The following SGCZ variants were observed in gnomAD, a reference collection of about 807,000 sequenced individuals.
SGCZ encodes zeta-sarcoglycan.
In SGCZ, 40 loss-of-function variants were observed where a neutral mutation model predicts 41.3. That is an observed-to-expected ratio of 0.97 (90% CI 0.75 to 1.26). SGCZ has a LOEUF of 1.26. Among genes scored for constraint, SGCZ ranks in the 50% most tolerant of loss-of-function variants. The pLI, the probability that SGCZ is intolerant of heterozygous loss-of-function variation, is 0.00. For synonymous variants in SGCZ, 206 were observed against 137.5 expected, an observed-to-expected ratio of 1.50 and a Z score of -3.49; for missense variants, 552 against 369.8, an observed-to-expected ratio of 1.49 and a Z score of -4.04.
intron 1 of SGCZ, among the ~76,000 whole-genome samples, chr8:14,831,921 A>G (rs2130603054): frequency 6.6e-6 from 1 of 151,742 alleles, no homozygotes; most frequent in South Asian, 2.1e-4. Flanking sequence ...CACAAACAGT[A>G]CATACACCTA....
At chr8:14,370,150 A>C (rs975193375) in intron 2 of SGCZ, among the ~76,000 whole-genome samples, 1 of 151,978 alleles carries the variant, frequency 6.6e-6, no homozygotes, top group Non-Finnish European at 1.5e-5. Flanking sequence ...TTTGACACAA[A>C]GGAGAAGAAA....
intron 1 of SGCZ, among the ~76,000 whole-genome samples, chr8:14,585,583 T>C (rs1200238337): frequency 1.3e-5 from 2 of 152,146 alleles, no homozygotes; most frequent in African/African-American, 4.8e-5. Flanking sequence ...TATTTTAGTG[T>C]CTTTTAAAGT....
chr8:14,188,054 TA>T lies in SGCZ; in HGVS notation c.425-23353del, dbSNP rs780378945. ...ACAGCATATTCAAAGTGTTCAGATT[TA>T]AAAAAAAAGTCAACCAAGAGTTCTA... is the stretch of plus-strand genomic sequence containing the variant. On this transcript the variant is annotated intron_variant, in intron 4 of 7. Coordinates refer to ENST00000382080, the MANE Select transcript of SGCZ (RefSeq NM_139167.4). Among the ~76,000 whole-genome samples, 5 of 151,314 alleles carry T rather than the reference TA, an allele frequency of 3.3e-5. No homozygotes were observed. The South Asian group carries it at 6.3e-4, about 19-fold the overall frequency.
chr8:14,316,080 T>C (rs1474463566), intron 3 of SGCZ, among the ~76,000 whole-genome samples: 3 of 151,862 alleles, frequency 2.0e-5, no homozygotes, highest in Non-Finnish European at 2.9e-5. Flanking sequence ...TCTCCATGAC[T>C]AGGCAATTTC....
intron 2 of SGCZ, among the ~76,000 whole-genome samples, chr8:14,383,584 T>A (rs1290292572): frequency 6.6e-6 from 1 of 152,206 alleles, no homozygotes; most frequent in African/African-American, 2.4e-5. Context: ...GAATTAAATG[T>A]TAAGGTGCTC....
intron 1 of SGCZ, among the ~76,000 whole-genome samples, chr8:15,146,142 G>GA (rs78225419): frequency 2.6e-5 from 4 of 151,072 alleles, no homozygotes; most frequent in Non-Finnish European, 4.4e-5. Context: ...AGAAAACTAA[G>GA]AAAAAAATTG....
intron 1 of SGCZ, among the ~76,000 whole-genome samples, chr8:14,996,643 G>GCTGTGTATT (rs2130904070): frequency 6.6e-6 from 1 of 152,272 alleles, no homozygotes; most frequent in South Asian, 2.1e-4. Context: ...TAACCAAGAG[G>GCTGTGTATT]CTGTGTATTC....
At chr8:14,660,050 T>C (rs559629228) in intron 1 of SGCZ, among the ~76,000 whole-genome samples, 4 of 152,284 alleles carry the variant, frequency 2.6e-5, no homozygotes, top group Admixed American at 2.6e-4. Flanking sequence ...CAGCTTTTTC[T>C]TGCAGCCTTC....
intron 1 of SGCZ, among the ~76,000 whole-genome samples, chr8:14,798,019 G>A (rs892487519): frequency 3.9e-5 from 6 of 152,184 alleles, no homozygotes; most frequent in African/African-American, 1.2e-4. Context: ...CTGCAGGGGC[G>A]GGGCCCTCAT....
intron 3 of SGCZ, among the ~76,000 whole-genome samples, chr8:14,240,476 A>C (rs1421968029): frequency 6.6e-6 from 1 of 151,936 alleles, no homozygotes; most frequent in Non-Finnish European, 1.5e-5. Flanking sequence ...CCTTCTTTTC[A>C]TATAATTCTC....
chr8:14,606,328 C>T (rs1420225690), intron 1 of SGCZ, among the ~76,000 whole-genome samples: 3 of 146,746 alleles, frequency 2.0e-5, no homozygotes, highest in South Asian at 4.3e-4. Context: ...TTATTTGGTT[C>T]CTAAACCTCC....
At chr8:14,141,800 G>C (rs1337493689) in intron 5 of SGCZ, among the ~76,000 whole-genome samples, 1 of 152,158 alleles carries the variant, frequency 6.6e-6, no homozygotes, top group Non-Finnish European at 1.5e-5. Flanking sequence ...ATTTGACCCA[G>C]CCATCCCATT....
intron 1 of SGCZ, among the ~76,000 whole-genome samples, chr8:14,616,238 G>A (rs1273119160): frequency 6.7e-6 from 1 of 150,128 alleles, no homozygotes; most frequent in Non-Finnish European, 1.5e-5. Context: ...AGTGGAGATC[G>A]CATCACTGCA....
rs1358479725 is a variant in SGCZ, at chr8:14,775,460, A to ACT, written c.40-220535_40-220534insAG. On this transcript the variant is annotated intron_variant, in intron 1 of 7. Transcript: ENST00000382080. ...GACAGTATGCTGAGTAGAATATTTG[A>ACT]GTGTGTGTGTGTGTGTGTGTGTGTG... Among the ~76,000 whole-genome samples the ACT allele has an allele frequency of 2.6e-3, 389 of 149,314 alleles. 1 individual carries two copies. The highest frequency in any genetic ancestry group is 8.3e-3 in the African/African-American group (337 of 40,710).
chr8:14,669,382 T>A (rs1442089113), intron 1 of SGCZ, among the ~76,000 whole-genome samples: 1 of 34,418 alleles, frequency 2.9e-5, no homozygotes. Context: ...AGTAAGTAAG[T>A]AAGTAAATAA....
intron 1 of SGCZ, among the ~76,000 whole-genome samples, chr8:15,188,802 G>T (rs778678215): frequency 6.6e-6 from 1 of 152,010 alleles, no homozygotes; most frequent in Non-Finnish European, 1.5e-5. Flanking sequence ...TGTATCAGGA[G>T]ATGTTGATTT....
intron 1 of SGCZ, among the ~76,000 whole-genome samples, chr8:15,052,989 T>A (rs10087013): frequency 0.06 from 9,094 of 152,122 alleles, 509 homozygotes; most frequent in African/African-American, 0.15. Context: ...GTTCCTACAT[T>A]TCCAACAGCA....
chr8:14,378,792 C>A (rs566705614), intron 2 of SGCZ, among the ~76,000 whole-genome samples: 1 of 152,026 alleles, frequency 6.6e-6, no homozygotes. Context: ...GTAAGATGCC[C>A]AGCTTGTGTC....
At chr8:14,774,348 C>T (rs1800337080) in intron 1 of SGCZ, among the ~76,000 whole-genome samples, 1 of 152,174 alleles carries the variant, frequency 6.6e-6, no homozygotes, top group Non-Finnish European at 1.5e-5. Flanking sequence ...TTTATACATA[C>T]TCATCCTATT....
Sources: gnomAD v4.1 joint callset for allele counts (sites outside exome capture counted in the v4.1 genomes callset) on GRCh38, gnomAD v4.1.1 for gene constraint, MANE v1.5 for transcripts, NCBI Gene and HGNC (gene_info 2026-07-23, HGNC 2026-07-21) for gene names.